ZNF676: variants seen among roughly 807,000 people sequenced by gnomAD.
The protein encoded by ZNF676 is zinc finger protein 676.
A neutral mutation model predicts 6.0 loss-of-function variants in ZNF676; 4 were observed. The observed-to-expected ratio is 0.67, with a 90% confidence interval of 0.33 to 1.53. The LOEUF (loss-of-function observed/expected upper bound fraction) is 1.53. Among genes scored for constraint, ZNF676 ranks in the 40% most tolerant of loss-of-function variants. The pLI is 0.06. For synonymous variants in ZNF676, 198 were observed against 223.1 expected, an observed-to-expected ratio of 0.89 and a Z score of 1.00; for missense variants, 644 against 679.7, an observed-to-expected ratio of 0.95 and a Z score of 0.58.
Position 22,196,656 on chromosome 19 carries a change from T to C in ZNF676, c.-23A>G, listed in dbSNP as rs1034376432. On this transcript the variant is annotated 5_prime_UTR_variant, in exon 1 of 3. Coordinates refer to ENST00000397121, the MANE Select transcript of ZNF676 (RefSeq NM_001001411.3). ...CATCACATTCCTATATAAATTCTGC[T>C]GTGTAGAATCCAGGCATTGCCACTC... The C allele has an allele frequency of 6.2e-7, 1 of 1,613,746 alleles. No homozygotes were observed. The highest frequency in any genetic ancestry group is 1.3e-5 in the African/African-American group (1 of 75,044).
At chr19:22,253,954 T>C in the ZNF676 span, among the ~76,000 whole-genome samples, 11 of 152,214 alleles carry the variant, frequency 7.2e-5, no homozygotes, top group South Asian at 2.3e-3. Flanking sequence ...ATCTCTCTCA[T>C]TTTCCTAAGT....
the ZNF676 span, among the ~76,000 whole-genome samples, chr19:22,231,875 C>T: frequency 2.1e-4 from 32 of 152,210 alleles, no homozygotes; most frequent in Middle Eastern, 6.8e-3. Flanking sequence ...GCTGGGATTA[C>T]AAGCGTGAGC....
In ZNF676 at chr19:22,181,302, T is replaced by C; in HGVS notation, c.415A>G (p.Lys139Glu). The C allele has an allele frequency of 1.2e-6, 2 of 1,613,800 alleles. No individual in the cohort carries two copies. The highest frequency in any genetic ancestry group is 2.2e-5 in the South Asian group (2 of 91,070). Residue 139 changes from lysine to glutamate, a missense_variant, in exon 3 of 3, where the codon AAA becomes GAA. Physicochemically the swap from Lys to Glu is moderately conservative, Grantham distance 56. Around this residue, in one of 5 missense-constraint regions of ZNF676, gnomAD observed 280 missense variants for 269.3 expected, o/e 1.04. Coordinates refer to ENST00000397121, the MANE Select transcript of ZNF676 (RefSeq NM_001001411.3). ...NRHKIRHTGE[K>E]GLKCKEYVRS... ...ACATATTCTTTACATTTCAAACCTTTCTCTCCAGTATGCCTTATCTTATGT... is the reference window on the plus strand; with the variant it reads ...ACATATTCTTTACATTTCAAACCTTCCTCTCCAGTATGCCTTATCTTATGT...
Position 22,179,728 on chromosome 19 carries a change from T to G in ZNF676, c.*222A>C. On this transcript the variant is annotated 3_prime_UTR_variant, in exon 3 of 3. Transcript: ENST00000397121. ...GGGTTTCTCTCCAGTATGAATTCTC[T>G]TATGTTCCACAAGGTTTGAGGACCG... 1 of 755,662 alleles carries G rather than the reference T, an allele frequency of 1.3e-6. No individual in the cohort carries two copies. Among genetic ancestry groups the G allele is most frequent in the Non-Finnish European group, 2.4e-6 (1 of 420,124 alleles). 46.8% of individuals were successfully genotyped at this position (755,662 alleles called of 1,614,324 possible). A position where few individuals can be genotyped will look rare whatever the true frequency, so the allele number is the denominator to read the frequency against.
At chr19:22,221,245 G>A in the ZNF676 span, among the ~76,000 whole-genome samples, 57,592 of 151,762 alleles carry the variant, frequency 0.38, 11,161 homozygotes, top group African/African-American at 0.42. Context: ...TGCTTTTGCT[G>A]TATCCCAGAT....
chr19:22,242,614 T>C, the ZNF676 span, among the ~76,000 whole-genome samples: 1 of 151,988 alleles, frequency 6.6e-6, no homozygotes, highest in East Asian at 1.9e-4. Context: ...TAGCAATACA[T>C]CCCAATTTCT....
chr19:22,191,002 G>A (rs1163546790), intron 2 of ZNF676, among the ~76,000 whole-genome samples: 1 of 151,946 alleles, frequency 6.6e-6, no homozygotes, highest in Non-Finnish European at 1.5e-5. Flanking sequence ...AAGAAAGTCT[G>A]TCAGTCATCC....
upstream of ZNF676, among the ~76,000 whole-genome samples, chr19:22,199,769 G>C (rs1428019127): frequency 1.3e-5 from 2 of 152,248 alleles, no homozygotes; most frequent in African/African-American, 4.8e-5. Context: ...ATAGAAAACA[G>C]AACAGAAAAC....
the ZNF676 span, among the ~76,000 whole-genome samples, chr19:22,222,036 AAG>A: frequency 0.032 from 4,866 of 152,194 alleles, 264 homozygotes; most frequent in African/African-American, 0.11. Context: ...TGCATTTCTT[AAG>A]GGACAACTTA....
chr19:22,259,651 A>G, the ZNF676 span: 2 of 152,178 alleles, frequency 1.3e-5, no homozygotes, highest in African/African-American at 2.4e-5. Context: ...CTGGCATAAC[A>G]AGATAATCGC....
At chr19:22,217,480 G>A (rs1013460030), upstream of ZNF676, among the ~76,000 whole-genome samples, 1 of 152,146 alleles carries the variant, frequency 6.6e-6, no homozygotes, top group African/African-American at 2.4e-5. Flanking sequence ...GGGATTACAG[G>A]CGTGAGCCAC....
At chr19:22,193,503 CCTT>C (rs1284877594) in intron 1 of ZNF676, among the ~76,000 whole-genome samples, 2 of 151,982 alleles carry the variant, frequency 1.3e-5, no homozygotes, top group Non-Finnish European at 1.5e-5. Flanking sequence ...GCCGCTGTCT[CCTT>C]CTTATTTTGT....
chr19:22,196,560 G>T, intron 1 of ZNF676, 40 bp downstream of exon 1: 6 of 1,613,248 alleles, frequency 3.7e-6, no homozygotes, highest in Non-Finnish European at 5.1e-6. Flanking sequence ...AATGAAACCT[G>T]TAGTATATAC....
At chr19:22,260,064 G>C in the ZNF676 span, among the ~76,000 whole-genome samples, 4 of 152,160 alleles carry the variant, frequency 2.6e-5, no homozygotes, top group Non-Finnish European at 5.9e-5. Flanking sequence ...AAGATTCGGG[G>C]GTAAGATTAA....
the ZNF676 span, among the ~76,000 whole-genome samples, chr19:22,237,656 G>A: frequency 2.6e-5 from 4 of 152,126 alleles, no homozygotes; most frequent in Non-Finnish European, 4.4e-5. Flanking sequence ...GGCAGTGCAG[G>A]GTTTATCTCA....
intron 1 of ZNF676, among the ~76,000 whole-genome samples, chr19:22,204,284 T>G (rs1356810339): frequency 2.6e-5 from 4 of 152,206 alleles, no homozygotes; most frequent in Non-Finnish European, 5.9e-5. Context: ...TATATAAGTA[T>G]GAATAATTTT....
chr19:22,191,278 C>G (rs12980808), intron 2 of ZNF676, among the ~76,000 whole-genome samples: 45,445 of 152,000 alleles, frequency 0.3, 7,598 homozygotes, highest in Non-Finnish European at 0.38. Context: ...AACTAGAGGA[C>G]CCCTGCTCTT....
At chr19:22,233,946 T>A in the ZNF676 span, among the ~76,000 whole-genome samples, 1 of 152,248 alleles carries the variant, frequency 6.6e-6, no homozygotes, top group Non-Finnish European at 1.5e-5. Context: ...AGGAGGTCCA[T>A]CCACATACCT....
the ZNF676 span, among the ~76,000 whole-genome samples, chr19:22,229,708 C>G: frequency 6.6e-6 from 1 of 152,224 alleles, no homozygotes; most frequent in Admixed American, 6.5e-5. Flanking sequence ...AGACACTTCT[C>G]AAAAGAAGAC....
Sources: allele counts gnomAD v4.1 joint callset (sites outside exome capture counted in the v4.1 genomes callset), GRCh38; gene constraint gnomAD v4.1.1; regional missense constraint gnomAD v4.1.1; transcripts MANE v1.5; gene names NCBI Gene and HGNC (gene_info 2026-07-23, HGNC 2026-07-21).